GNB4: variants seen among roughly 807,000 people sequenced by gnomAD.
GNB4 encodes the protein guanine nucleotide-binding protein subunit beta-4.
Under a neutral mutation model 45.2 loss-of-function variants are expected in GNB4, and 28 were observed. That is an observed-to-expected ratio of 0.62 (90% CI 0.46 to 0.85). The LOEUF is 0.85. Ranked by LOEUF, GNB4 falls within the 40% of genes least tolerant of loss-of-function variation. The pLI is 0.00. For missense variants in GNB4, 321 were observed against 425.4 expected (o/e 0.75, Z 2.16); for synonymous variants, 132 against 143.7 (o/e 0.92, Z 0.58).
intron 1 of GNB4, among the ~76,000 whole-genome samples, chr3:179,426,590 C>T (rs779756801): frequency 3.9e-5 from 6 of 152,130 alleles, no homozygotes; most frequent in Admixed American, 3.9e-4. Flanking sequence ...GCACCTAACA[C>T]AGTACCTCAA....
At chr3:179,438,933 C>T (rs914593029) in intron 1 of GNB4, among the ~76,000 whole-genome samples, 1 of 152,170 alleles carries the variant, frequency 6.6e-6, no homozygotes, top group South Asian at 2.1e-4. Flanking sequence ...CACCCTAAGG[C>T]CTTGACTCTT....
At chr3:179,445,403 G>C (rs1029987545) in intron 1 of GNB4, among the ~76,000 whole-genome samples, 33 of 151,910 alleles carry the variant, frequency 2.2e-4, no homozygotes, top group African/African-American at 7.7e-4. Flanking sequence ...TCCTACCCTA[G>C]CCTTCCGAGT....
At chr3:179,405,438 C>A in intron 8 of GNB4, 32 bp from the exon 9 acceptor site, 3 of 1,421,264 alleles carry the variant, frequency 2.1e-6, no homozygotes, top group Non-Finnish European at 3.0e-6. Context: ...ATTTATTCTA[C>A]AGATGTATGC....
chr3:179,415,047 T>G lies in GNB4; in HGVS notation c.268A>C (p.Met90Leu). Residue 90 changes from methionine to leucine, a missense_variant and splice_region_variant, in exon 6 of 10, where the codon ATG becomes CTG. By Grantham distance (15) the Met-to-Leu change is conservative. Transcript: ENST00000232564. ...IIWDSYTTNK[M>L]HAIPLRSSWV... is the part of the protein sequence containing the mutation. ...GAGGACCTCAAAGGAATAGCATGCA[T>G]CTGTAGGGCACACACCACACATCAC... is the stretch of plus-strand genomic sequence containing the variant. 1 of 1,587,272 alleles carries G rather than the reference T, an allele frequency of 6.3e-7. No homozygotes were observed. Among genetic ancestry groups the G allele is most frequent in the Non-Finnish European group, 8.6e-7 (1 of 1,160,926 alleles).
chr3:179,470,956 G>T, the GNB4 span, among the ~76,000 whole-genome samples: 113 of 152,218 alleles, frequency 7.4e-4, 3 homozygotes, highest in Admixed American at 7.4e-3. Context: ...GAGGAGGGCG[G>T]ATCACGAGGT....
intron 1 of GNB4, among the ~76,000 whole-genome samples, chr3:179,429,382 G>A (rs563326291): frequency 2.6e-5 from 4 of 152,248 alleles, no homozygotes; most frequent in Admixed American, 2.0e-4. Context: ...GCTACTCACC[G>A]TTGAGTAATA....
chr3:179,515,837 A>G, the GNB4 span, among the ~76,000 whole-genome samples: 1 of 152,102 alleles, frequency 6.6e-6, no homozygotes, highest in East Asian at 1.9e-4. Flanking sequence ...TCAGCATGGG[A>G]ACCTAGAGTG....
chr3:179,457,193 T>G, the GNB4 span, among the ~76,000 whole-genome samples: 1 of 152,180 alleles, frequency 6.6e-6, no homozygotes, highest in Non-Finnish European at 1.5e-5. Flanking sequence ...CAAGGAATAT[T>G]TAAGAGAAAA....
intron 1 of GNB4, among the ~76,000 whole-genome samples, chr3:179,438,966 G>T (rs1715529165): frequency 1.3e-5 from 2 of 152,188 alleles, no homozygotes; most frequent in Non-Finnish European, 2.9e-5. Context: ...GGCGGAACCA[G>T]GGTTGATAAC....
At chr3:179,454,161 G>T (rs767163994), upstream of GNB4, among the ~76,000 whole-genome samples, 1 of 152,116 alleles carries the variant, frequency 6.6e-6, no homozygotes, top group Non-Finnish European at 1.5e-5. Context: ...CTTTTGTTTG[G>T]GTGCCACTGG....
the GNB4 span, among the ~76,000 whole-genome samples, chr3:179,517,310 C>G: frequency 1.3e-5 from 2 of 152,194 alleles, no homozygotes; most frequent in Non-Finnish European, 2.9e-5. Context: ...GAACAACCCC[C>G]CTTTGACTGT....
chr3:179,517,167 C>T, the GNB4 span, among the ~76,000 whole-genome samples: 1 of 152,064 alleles, frequency 6.6e-6, no homozygotes, highest in Non-Finnish European at 1.5e-5. Flanking sequence ...GACATTCCAC[C>T]ACAAAAGAAG....
chr3:179,473,629 T>C, the GNB4 span, among the ~76,000 whole-genome samples: 16 of 152,072 alleles, frequency 1.1e-4, no homozygotes, highest in Admixed American at 1.0e-3. Flanking sequence ...TAGTTGAGAT[T>C]AGTGCTGGGA....
chr3:179,511,567 T>C, the GNB4 span, among the ~76,000 whole-genome samples: 2 of 152,210 alleles, frequency 1.3e-5, no homozygotes, highest in African/African-American at 4.8e-5. Flanking sequence ...ATCTTAGCTC[T>C]ACCACTTACT....
chr3:179,497,597 A>G, the GNB4 span, among the ~76,000 whole-genome samples: 1 of 152,136 alleles, frequency 6.6e-6, no homozygotes, highest in Non-Finnish European at 1.5e-5. Flanking sequence ...TTTGCAAACC[A>G]TGTATCTAAT....
At chr3:179,520,496 G>A in the GNB4 span, among the ~76,000 whole-genome samples, 9 of 152,068 alleles carry the variant, frequency 5.9e-5, no homozygotes, top group Non-Finnish European at 1.0e-4. Context: ...TAGCCCTCAC[G>A]TCAGTGTGCG....
chr3:179,464,421 C>T, the GNB4 span: 156 of 1,453,414 alleles, frequency 1.1e-4, no homozygotes, highest in South Asian at 1.6e-3. Flanking sequence ...CCTCTGCCCT[C>T]GCCCCTTCCA....
At chr3:179,459,633 G>A in the GNB4 span, among the ~76,000 whole-genome samples, 2 of 150,552 alleles carry the variant, frequency 1.3e-5, no homozygotes, top group Admixed American at 1.3e-4. Flanking sequence ...GGTGAGCCGA[G>A]ATCGTGCCAT....
intron 1 of GNB4, among the ~76,000 whole-genome samples, chr3:179,427,327 T>A (rs56231352): frequency 2.0e-4 from 31 of 151,976 alleles, no homozygotes; most frequent in African/African-American, 7.5e-4. Flanking sequence ...GTAAAGGGTC[T>A]GGTGTGGTGG....
Sources: allele counts gnomAD v4.1 joint callset (sites outside exome capture counted in the v4.1 genomes callset), GRCh38; gene constraint gnomAD v4.1.1; transcripts MANE v1.5; gene names NCBI Gene and HGNC (gene_info 2026-07-23, HGNC 2026-07-21).